The following LRRTM4 variants were observed in gnomAD, a reference collection of about 807,000 sequenced individuals.
The protein encoded by LRRTM4 is leucine-rich repeat transmembrane neuronal protein 4.
A neutral mutation model predicts 47.6 loss-of-function variants in LRRTM4; 25 were observed. That is an observed-to-expected ratio of 0.53 (90% CI 0.38 to 0.73). The LOEUF (loss-of-function observed/expected upper bound fraction) is 0.73. Ranked by LOEUF, LRRTM4 falls within the 30% of genes least tolerant of loss-of-function variation. LRRTM4 has a pLI of 0.00. For missense variants in LRRTM4, 638 were observed against 713.4 expected (o/e 0.89, Z 1.20); for synonymous variants, 311 against 269.5 (o/e 1.15, Z -1.51).
Position 76,970,073 on chromosome 2 carries a change from A to G in LRRTM4, c.1552-221157T>C, listed in dbSNP as rs13386839. ...ACCCACAGAGTTAAGTAACTTGTTCATCGTCACTCAACAGGTGAGTCTCAA... is the reference window on the plus strand; with the variant it reads ...ACCCACAGAGTTAAGTAACTTGTTCGTCGTCACTCAACAGGTGAGTCTCAA... On this transcript the variant is annotated intron_variant, in intron 3 of 3. Coordinates refer to ENST00000409884, the MANE Select transcript of LRRTM4 (RefSeq NM_001134745.3). Among the ~76,000 whole-genome samples the G allele has an allele frequency of 9.8e-3, 1,495 of 152,062 alleles. 23 individuals are homozygous for G. Among genetic ancestry groups the G allele is most frequent in the African/African-American group, 0.035 (1,446 of 41,524 alleles).
Position 77,522,161 on chromosome 2 carries a change from C to G in LRRTM4, c.-200G>C, listed in dbSNP as rs1679540743. On this transcript the variant is annotated 5_prime_UTR_variant, in exon 1 of 4. Coordinates refer to ENST00000409884, the MANE Select transcript of LRRTM4 (RefSeq NM_001134745.3). ...GCCATTCCCAGATAAAGCAATTCATCCTCTGGATTTTCAGTTCTTGAAGCA... is the reference window on the plus strand; with the variant it reads ...GCCATTCCCAGATAAAGCAATTCATGCTCTGGATTTTCAGTTCTTGAAGCA... 2 of 715,166 alleles carry G rather than the reference C, an allele frequency of 2.8e-6. No individual in the cohort carries two copies. Among genetic ancestry groups the G allele is most frequent in the Non-Finnish European group, 5.2e-6 (2 of 383,714 alleles). 44.3% of individuals were successfully genotyped at this position (715,166 alleles called of 1,614,324 possible). A position where few individuals can be genotyped will look rare whatever the true frequency, so the allele number is the denominator to read the frequency against.
chr2:77,203,574 G>T (rs1489881628), intron 3 of LRRTM4, among the ~76,000 whole-genome samples: 1 of 152,102 alleles, frequency 6.6e-6, no homozygotes, highest in Non-Finnish European at 1.5e-5. Context: ...ACTGAGCCAA[G>T]CCAGACAGAC....
chr2:77,179,113 G>A (rs1673279342), intron 3 of LRRTM4, among the ~76,000 whole-genome samples: 1 of 152,162 alleles, frequency 6.6e-6, no homozygotes, highest in Non-Finnish European at 1.5e-5. Context: ...AGTTATGGAG[G>A]TAGGACATGC....
chr2:76,797,053 C>A (rs988395935), intron 3 of LRRTM4, among the ~76,000 whole-genome samples: 2 of 152,064 alleles, frequency 1.3e-5, no homozygotes, highest in African/African-American at 2.4e-5. Context: ...AGGATATTAT[C>A]CAGGAGAACT....
intron 3 of LRRTM4, among the ~76,000 whole-genome samples, chr2:77,514,498 AT>A (rs1207267794): frequency 6.6e-6 from 1 of 152,068 alleles, no homozygotes; most frequent in Non-Finnish European, 1.5e-5. Context: ...AAACCAGTAT[AT>A]TTTTAAAATT....
chr2:76,899,805 C>A (rs978855192), intron 3 of LRRTM4, among the ~76,000 whole-genome samples: 6 of 152,126 alleles, frequency 3.9e-5, no homozygotes, highest in Non-Finnish European at 7.3e-5. Flanking sequence ...AAGTAATTCA[C>A]TAGATAGTTA....
chr2:77,118,277 CA>C (rs1330096237), intron 3 of LRRTM4, among the ~76,000 whole-genome samples: 2 of 151,530 alleles, frequency 1.3e-5, no homozygotes, highest in African/African-American at 4.8e-5. Flanking sequence ...TTTGGGCTTA[CA>C]AACATTGAGT....
intron 3 of LRRTM4, among the ~76,000 whole-genome samples, chr2:76,927,953 T>C (rs909266303): frequency 1.3e-5 from 2 of 152,190 alleles, no homozygotes; most frequent in Non-Finnish European, 2.9e-5. Context: ...AGCCTTGTTC[T>C]TAAAGCGCAA....
At chr2:77,298,633 T>G (rs1677040359) in intron 3 of LRRTM4, among the ~76,000 whole-genome samples, 1 of 152,204 alleles carries the variant, frequency 6.6e-6, no homozygotes, top group African/African-American at 2.4e-5. Flanking sequence ...ACAATTTTTA[T>G]GCCCTGCCAG....
At chr2:76,804,763 AATAT>A (rs750204932) in intron 3 of LRRTM4, among the ~76,000 whole-genome samples, 32 of 140,674 alleles carry the variant, frequency 2.3e-4, no homozygotes, top group Non-Finnish European at 3.1e-4. Flanking sequence ...GTTTTATAAC[AATAT>A]ATATATCATG....
intron 3 of LRRTM4, among the ~76,000 whole-genome samples, chr2:77,040,065 G>A (rs1480502086): frequency 1.3e-5 from 2 of 151,082 alleles, no homozygotes; most frequent in South Asian, 2.1e-4. Flanking sequence ...TATAAGACAG[G>A]TGGGTAGGCA....
intron 3 of LRRTM4, among the ~76,000 whole-genome samples, chr2:77,221,885 C>G (rs977678654): frequency 6.6e-6 from 1 of 152,146 alleles, no homozygotes; most frequent in African/African-American, 2.4e-5. Context: ...CTCTCCACCC[C>G]AAATCAACAG....
intron 3 of LRRTM4, among the ~76,000 whole-genome samples, chr2:76,813,040 C>T (rs1189427104): frequency 7.2e-5 from 11 of 151,756 alleles, no homozygotes; most frequent in African/African-American, 1.5e-4. Context: ...GGTGGGCACC[C>T]GTAATCCCAG....
At chr2:77,016,394 A>AT (rs1408191648) in intron 3 of LRRTM4, among the ~76,000 whole-genome samples, 10 of 151,824 alleles carry the variant, frequency 6.6e-5, no homozygotes, top group Non-Finnish European at 1.5e-5. Context: ...AAAAAAAAAA[A>AT]AAAAAAGAGT....
chr2:76,928,641 C>A (rs1388801453), intron 3 of LRRTM4, among the ~76,000 whole-genome samples: 2 of 152,074 alleles, frequency 1.3e-5, no homozygotes, highest in Non-Finnish European at 1.5e-5. Context: ...TCAGGGAAAC[C>A]AACTCACCTT....
At chr2:77,479,678 TTC>T (rs762031880) in intron 3 of LRRTM4, among the ~76,000 whole-genome samples, 267 of 151,590 alleles carry the variant, frequency 1.8e-3, no homozygotes, top group Non-Finnish European at 2.9e-3. Flanking sequence ...TGGCATTTCC[TTC>T]TCTCTCTCTC....
At chr2:77,127,873 A>G (rs1671689660) in intron 3 of LRRTM4, among the ~76,000 whole-genome samples, 3 of 152,156 alleles carry the variant, frequency 2.0e-5, no homozygotes, top group Non-Finnish European at 4.4e-5. Context: ...GGCCAGGTGC[A>G]GTGGCTCACG....
chr2:77,016,472 G>A (rs529502692), intron 3 of LRRTM4, among the ~76,000 whole-genome samples: 12 of 151,942 alleles, frequency 7.9e-5, no homozygotes, highest in African/African-American at 2.4e-4. Flanking sequence ...CAGATTTAAC[G>A]GGCCAGGGTA....
intron 3 of LRRTM4, among the ~76,000 whole-genome samples, chr2:77,038,808 A>C (rs1678929882): frequency 6.6e-6 from 1 of 151,426 alleles, no homozygotes; most frequent in Admixed American, 6.6e-5. Context: ...TCTTTCTTAC[A>C]CTACTGCTCA....
Sources: allele counts gnomAD v4.1 joint callset (sites outside exome capture counted in the v4.1 genomes callset), GRCh38; gene constraint gnomAD v4.1.1; transcripts MANE v1.5; gene names NCBI Gene and HGNC (gene_info 2026-07-23, HGNC 2026-07-21).